Variants in WWOX observed in about 807,000 individuals in gnomAD.
WWOX encodes the protein WW domain containing oxidoreductase.
In WWOX, 69 loss-of-function variants were observed where a neutral mutation model predicts 46.2. That is an observed-to-expected ratio of 1.49 (90% CI 1.23 to 1.82). WWOX has a LOEUF of 1.82. Ranked by LOEUF, WWOX falls within the 40% of genes most tolerant of loss-of-function variation. The pLI is 0.00. For missense variants in WWOX, 919 were observed against 542.6 expected, an observed-to-expected ratio of 1.69 and a Z score of -6.89; for synonymous variants, 359 against 202.6, an observed-to-expected ratio of 1.77 and a Z score of -6.56.
At chr16:78,934,760 G>T (rs1258645309) in intron 8 of WWOX, among the ~76,000 whole-genome samples, 3 of 152,084 alleles carry the variant, frequency 2.0e-5, no homozygotes, top group Non-Finnish European at 2.9e-5. Flanking sequence ...TAAAAAATGT[G>T]TTCCTGAGAG....
At chr16:78,554,361 A>G (rs1026423375) in intron 8 of WWOX, among the ~76,000 whole-genome samples, 5 of 152,216 alleles carry the variant, frequency 3.3e-5, no homozygotes, top group African/African-American at 1.2e-4. Context: ...GCTCAAAGCC[A>G]TCACCAAGGT....
chr16:78,566,739 C>T (rs955394767), intron 8 of WWOX, among the ~76,000 whole-genome samples: 4 of 152,166 alleles, frequency 2.6e-5, no homozygotes, highest in African/African-American at 9.7e-5. Flanking sequence ...CTTCCTCCTC[C>T]TAGAATTCCT....
chr16:79,211,677 T>C lies in WWOX; in HGVS notation c.1126T>C (p.Phe376Leu), dbSNP rs1474278988. Residue 376 changes from phenylalanine to leucine, a missense_variant, in exon 9 of 9, where the codon TTC becomes CTC. Transcript: ENST00000566780. ...PELEGLGGMYFNNCCRCMPSP... is the reference protein window; with the variant it reads ...PELEGLGGMYLNNCCRCMPSP... ...ACTGGAGGGTCTGGGAGGGATGTAC[T>C]TCAACAACTGCTGCCGCTGCATGCC... The C allele has an allele frequency of 1.9e-6, 3 of 1,614,108 alleles. No homozygotes were observed. The African/African-American group carries it at 4.0e-5, about 22-fold the overall frequency.
chr16:78,955,591 T>C (rs1366070370), intron 8 of WWOX, among the ~76,000 whole-genome samples: 14 of 152,102 alleles, frequency 9.2e-5, no homozygotes, highest in Admixed American at 1.3e-4. Flanking sequence ...TGAAACCTCT[T>C]TTAACTTTAT....
At chr16:78,567,138 C>A (rs2044588861) in intron 8 of WWOX, among the ~76,000 whole-genome samples, 1 of 152,172 alleles carries the variant, frequency 6.6e-6, no homozygotes, top group Admixed American at 6.5e-5. Context: ...AGATCACAAG[C>A]CCAACCCTGG....
At chr16:78,484,077 T>G (rs1027839169) in intron 8 of WWOX, among the ~76,000 whole-genome samples, 2 of 152,220 alleles carry the variant, frequency 1.3e-5, no homozygotes, top group African/African-American at 4.8e-5. Context: ...GAACCCACTT[T>G]ATCAATTTTG....
chr16:78,568,687 C>A (rs549058459), intron 8 of WWOX, among the ~76,000 whole-genome samples: 1 of 152,164 alleles, frequency 6.6e-6, no homozygotes, highest in East Asian at 1.9e-4. Flanking sequence ...GTTGGCCAGG[C>A]TGGTGTCGAT....
Position 78,843,428 on chromosome 16 carries a change from A to G in WWOX, c.1057-368180A>G, listed in dbSNP as rs1052205848. Among the ~76,000 whole-genome samples the G allele has an allele frequency of 3.3e-5, 5 of 149,928 alleles. 1 individual carries two copies. The highest frequency in any genetic ancestry group is 7.5e-5 in the Non-Finnish European group (5 of 67,046). ...AATCGCCCATTCCTATGCTGCTAAG[A>G]TGCGAATGCCCAGCTCAGGGGATGA... On this transcript the variant is annotated intron_variant, in intron 8 of 8. Transcript: ENST00000566780.
chr16:79,006,951 A>G (rs1362241010), intron 8 of WWOX, among the ~76,000 whole-genome samples: 3 of 152,150 alleles, frequency 2.0e-5, no homozygotes, highest in Non-Finnish European at 4.4e-5. Flanking sequence ...GCTGATTAGC[A>G]ACGTCAGTTC....
chr16:78,222,568 G>A (rs909164151), intron 5 of WWOX, among the ~76,000 whole-genome samples: 1 of 152,238 alleles, frequency 6.6e-6, no homozygotes, highest in Non-Finnish European at 1.5e-5. Context: ...TAGGCACAGC[G>A]CTAGTGTCAG....
At chr16:78,278,872 T>A (rs2079628179) in intron 5 of WWOX, among the ~76,000 whole-genome samples, 1 of 152,186 alleles carries the variant, frequency 6.6e-6, no homozygotes, top group Non-Finnish European at 1.5e-5. Context: ...AAAGAGGGTG[T>A]TTTAAAGTGT....
chr16:79,099,854 T>A (rs137977753), intron 8 of WWOX, among the ~76,000 whole-genome samples: 2 of 152,112 alleles, frequency 1.3e-5, no homozygotes, highest in East Asian at 1.9e-4. Context: ...GTAGGAGATA[T>A]ATAGAAACAG....
Position 78,591,593 on chromosome 16 carries a change from A to G in WWOX, c.1056+158841A>G, listed in dbSNP as rs573634487. Among the ~76,000 whole-genome samples, 49 of 152,330 alleles carry G rather than the reference A, an allele frequency of 3.2e-4. No homozygotes were observed. The South Asian group carries it at 9.9e-3, about 31-fold the overall frequency. Reference sequence around the variant, plus strand: ...TTTTGGATTTAGGTTACCATCATTTATCTTCTCTGTAACCTTAGACGAGTT... The same window carrying G: ...TTTTGGATTTAGGTTACCATCATTTGTCTTCTCTGTAACCTTAGACGAGTT... On this transcript the variant is annotated intron_variant, in intron 8 of 8. Transcript: ENST00000566780.
At chr16:78,195,649 C>G (rs1431818654) in intron 5 of WWOX, among the ~76,000 whole-genome samples, 3 of 151,886 alleles carry the variant, frequency 2.0e-5, no homozygotes, top group Non-Finnish European at 2.9e-5. Flanking sequence ...TGACGAAACC[C>G]TGTCTCTACT....
intron 8 of WWOX, among the ~76,000 whole-genome samples, chr16:79,025,820 CG>C (rs2047628880): frequency 1.3e-4 from 2 of 15,804 alleles, no homozygotes; most frequent in Non-Finnish European, 2.6e-4. Context: ...TTTTTTGAGA[CG>C]GAGTTTTGCT....
chr16:78,315,503 G>A lies in WWOX; in HGVS notation c.517-71357G>A, dbSNP rs140040551. Among the ~76,000 whole-genome samples the A allele has an allele frequency of 1.3e-4, 20 of 152,124 alleles. No homozygotes were observed. In the East Asian group the frequency reaches 3.9e-3, roughly 29 times the overall value. ...CATCTCTGCTACAGATATAAAAATT[G>A]GCTGGGCATGGTGGGGTGCAGCTGT... is the stretch of plus-strand genomic sequence containing the variant. On this transcript the variant is annotated intron_variant, in intron 5 of 8. Coordinates refer to ENST00000566780, the MANE Select transcript of WWOX (RefSeq NM_016373.4).
intron 5 of WWOX, among the ~76,000 whole-genome samples, chr16:78,315,785 G>C (rs1402373221): frequency 6.6e-6 from 1 of 152,062 alleles, no homozygotes; most frequent in African/African-American, 2.4e-5. Flanking sequence ...GCCATTTTCA[G>C]ATGGGTAACT....
chr16:79,041,936 G>C (rs1331955449), intron 8 of WWOX, among the ~76,000 whole-genome samples: 1 of 152,020 alleles, frequency 6.6e-6, no homozygotes, highest in Admixed American at 6.6e-5. Context: ...TAAGAGTCTT[G>C]GTGGTTTCTT....
chr16:78,633,868 C>T (rs539152823), intron 8 of WWOX, among the ~76,000 whole-genome samples: 4 of 150,776 alleles, frequency 2.7e-5, no homozygotes, highest in African/African-American at 7.3e-5. Context: ...AGGTCACCTA[C>T]GGGAGCAGGG....
Sources: gnomAD v4.1 joint callset for allele counts (sites outside exome capture counted in the v4.1 genomes callset) on GRCh38, gnomAD v4.1.1 for gene constraint, MANE v1.5 for transcripts, NCBI Gene and HGNC (gene_info 2026-07-23, HGNC 2026-07-21) for gene names.